ITSN2: variants seen among roughly 807,000 people sequenced by gnomAD.
ITSN2 encodes intersectin-2.
In ITSN2, 156 loss-of-function variants were observed where a neutral mutation model predicts 243.7. That is an observed-to-expected ratio of 0.64 (90% CI 0.56 to 0.73). The LOEUF is 0.73. ITSN2 is among the 30% of genes least tolerant of loss of function. The pLI is 0.00. For missense variants in ITSN2, 1,801 were observed against 1,996.1 expected (o/e 0.90, Z 1.86); for synonymous variants, 703 against 699.9 (o/e 1.00, Z -0.07).
chr2:24,221,223 C>A, intron 29 of ITSN2, 157 bp from the exon 30 acceptor site: 1 of 699,980 alleles, frequency 1.4e-6, no homozygotes, highest in South Asian at 2.1e-5. Context: ...AGCATGCGTA[C>A]GCGGAGAGTT....
At chr2:24,306,756 C>T (rs973426038) in intron 8 of ITSN2, among the ~76,000 whole-genome samples, 8 of 152,090 alleles carry the variant, frequency 5.3e-5, no homozygotes, top group African/African-American at 1.9e-4. Flanking sequence ...TTGCCACATC[C>T]TCCCAAGTAG....
intron 22 of ITSN2, among the ~76,000 whole-genome samples, chr2:24,260,231 G>C (rs564406379): frequency 6.6e-6 from 1 of 152,020 alleles, no homozygotes; most frequent in Non-Finnish European, 1.5e-5. Context: ...GTCAATGTCA[G>C]GTATTTTTTG....
intron 20 of ITSN2, among the ~76,000 whole-genome samples, chr2:24,269,059 T>G (rs1574085536): frequency 4.7e-5 from 1 of 21,176 alleles, no homozygotes; most frequent in African/African-American, 1.1e-4. Flanking sequence ...AACTCTCCTG[T>G]TTTTTTTTTT....
chr2:24,299,423 C>T (rs1268189465), intron 12 of ITSN2, among the ~76,000 whole-genome samples: 6 of 152,174 alleles, frequency 3.9e-5, no homozygotes. Context: ...CCCTTTAAAA[C>T]ACAGCCAGTC....
chr2:24,342,666 A>G (rs1225455700), intron 1 of ITSN2, among the ~76,000 whole-genome samples: 1 of 151,738 alleles, frequency 6.6e-6, no homozygotes, highest in Non-Finnish European at 1.5e-5. Context: ...AAATCAGCTT[A>G]GGCCCTACAC....
At chr2:24,330,889 C>T (rs1685712730) in intron 1 of ITSN2, among the ~76,000 whole-genome samples, 2 of 151,802 alleles carry the variant, frequency 1.3e-5, no homozygotes, top group African/African-American at 4.8e-5. Flanking sequence ...GCCTCAGCCT[C>T]CTGAGTAGCT....
At chr2:24,223,683 CAAA>C (rs61310660) in intron 29 of ITSN2, among the ~76,000 whole-genome samples, 5 of 87,354 alleles carry the variant, frequency 5.7e-5, no homozygotes, top group Admixed American at 1.5e-4. Context: ...GACCCTGTTT[CAAA>C]AAAAAAAAAA....
At chr2:24,318,562 T>G (rs749230702) in intron 2 of ITSN2, among the ~76,000 whole-genome samples, 3 of 152,224 alleles carry the variant, frequency 2.0e-5, no homozygotes, top group Non-Finnish European at 2.9e-5. Context: ...GTGTGGTCAC[T>G]GACTGTAGCT....
rs13412265 is a variant in ITSN2 at position 24,212,507 on chromosome 2, C to T, written c.4089+143G>A. 348 of 609,772 alleles carry T rather than the reference C, an allele frequency of 5.7e-4. 1 individual carries two copies. The African/African-American group carries it at 5.9e-3, about 10-fold the overall frequency. The allele number at this position is 609,772 out of a possible 1,614,324, so 37.8% of individuals were successfully genotyped here. A position where few individuals can be genotyped will look rare whatever the true frequency, so the allele number is the denominator to read the frequency against. ...CACACACACACAGGCATCTGGTCCC[C>T]GGGACAGTGGGATCACTTGTGCGGT... On this transcript the variant is annotated intron_variant, in intron 33 of 39. Coordinates refer to ENST00000355123, the MANE Select transcript of ITSN2 (RefSeq NM_006277.3).
chr2:24,252,581 T>C, intron 24 of ITSN2, 70 bp from the exon 25 acceptor site: 1 of 1,177,012 alleles, frequency 8.5e-7, no homozygotes, highest in Admixed American at 2.1e-5. Context: ...GAAATTAGGT[T>C]ATTCTCCAAG....
At chr2:24,326,495 A>G (rs1685170447) in intron 2 of ITSN2, among the ~76,000 whole-genome samples, 1 of 152,242 alleles carries the variant, frequency 6.6e-6, no homozygotes, top group Admixed American at 6.5e-5. Flanking sequence ...TATGGGGCAT[A>G]AAAATCCTCA....
chr2:24,234,679 C>T (rs1671961388), intron 29 of ITSN2, among the ~76,000 whole-genome samples: 1 of 152,086 alleles, frequency 6.6e-6, no homozygotes, highest in Admixed American at 6.5e-5. Flanking sequence ...AAAAATGGGC[C>T]AAAGACCTTA....
chr2:24,333,722 T>C (rs1166815733), intron 1 of ITSN2, among the ~76,000 whole-genome samples: 2 of 152,152 alleles, frequency 1.3e-5, no homozygotes, highest in Non-Finnish European at 2.9e-5. Context: ...TTTGGAGTAA[T>C]TGCCAAACGT....
intron 23 of ITSN2, among the ~76,000 whole-genome samples, chr2:24,256,041 G>A (rs1213271687): frequency 6.6e-6 from 1 of 150,754 alleles, no homozygotes; most frequent in Non-Finnish European, 1.5e-5. Flanking sequence ...CAACAAAAGC[G>A]AAATTCCATC....
intron 17 of ITSN2, among the ~76,000 whole-genome samples, chr2:24,281,597 C>CA (rs1678786665): frequency 6.6e-6 from 1 of 152,208 alleles, no homozygotes; most frequent in Admixed American, 6.5e-5. Flanking sequence ...ATTGGTGAGG[C>CA]AAAATCACAC....
chr2:24,298,599 A>T (rs1681300550), intron 13 of ITSN2, 66 bp downstream of exon 13: 1 of 1,485,250 alleles, frequency 6.7e-7, no homozygotes, highest in African/African-American at 1.4e-5. Flanking sequence ...CCTGGCCCAC[A>T]ATTACATTTT....
At chr2:24,281,899 G>A (rs902584636) in intron 17 of ITSN2, among the ~76,000 whole-genome samples, 2 of 152,186 alleles carry the variant, frequency 1.3e-5, no homozygotes, top group African/African-American at 4.8e-5. Context: ...CCTAGGCTGA[G>A]TTATATCATG....
chr2:24,243,708 G>T (rs1409548780), intron 29 of ITSN2, among the ~76,000 whole-genome samples: 2 of 152,134 alleles, frequency 1.3e-5, no homozygotes, highest in Non-Finnish European at 2.9e-5. Flanking sequence ...CTCCCAAAGT[G>T]TTGGGATTAT....
At chr2:24,283,400 AT>A (rs1378068692) in intron 17 of ITSN2, among the ~76,000 whole-genome samples, 1 of 151,960 alleles carries the variant, frequency 6.6e-6, no homozygotes, top group Admixed American at 6.6e-5. Context: ...AATTTTTTGT[AT>A]TTTTAGTAGA....
Sources: allele counts gnomAD v4.1 joint callset (sites outside exome capture counted in the v4.1 genomes callset), GRCh38; gene constraint gnomAD v4.1.1; transcripts MANE v1.5; gene names NCBI Gene and HGNC (gene_info 2026-07-23, HGNC 2026-07-21).